PARD3B: variants seen among roughly 807,000 people sequenced by gnomAD.
The protein encoded by PARD3B is partitioning defective 3 homolog B.
PARD3B carries 103 observed loss-of-function variants against 130.2 expected under a neutral mutation model. The observed-to-expected ratio is 0.79, with a 90% CI of 0.67 to 0.93. PARD3B has a LOEUF of 0.93. Among genes scored for constraint, PARD3B ranks in the 40% least tolerant of loss-of-function variants. The pLI is 0.00. For missense variants in PARD3B, 1,609 were observed against 1,499.2 expected (o/e 1.07, Z -1.21); for synonymous variants, 583 against 553.2 (o/e 1.05, Z -0.76).
intron 22 of PARD3B, among the ~76,000 whole-genome samples, chr2:205,613,348 T>A (rs1174734879): frequency 4.6e-5 from 7 of 152,110 alleles, no homozygotes; most frequent in African/African-American, 4.8e-5. Flanking sequence ...TTAAGAAAAA[T>A]TTTTTGAGTG....
intron 22 of PARD3B, among the ~76,000 whole-genome samples, chr2:205,557,597 G>A (rs1488758791): frequency 6.6e-6 from 1 of 152,170 alleles, no homozygotes; most frequent in Admixed American, 6.5e-5. Context: ...TGATGGAATT[G>A]CTTCAGGCTC....
chr2:204,847,849 C>G (rs911079956), intron 2 of PARD3B, among the ~76,000 whole-genome samples: 2 of 152,276 alleles, frequency 1.3e-5, no homozygotes, highest in East Asian at 3.9e-4. Context: ...AGGAAAACAT[C>G]GTATGCTGAG....
At chr2:204,617,400 G>A (rs183801905) in intron 1 of PARD3B, among the ~76,000 whole-genome samples, 73 of 152,080 alleles carry the variant, frequency 4.8e-4, no homozygotes, top group African/African-American at 1.7e-3. Flanking sequence ...TCTTTTTTCT[G>A]TTGCTTTCCC....
At chr2:205,124,620 A>C (rs2031166222) in intron 9 of PARD3B, among the ~76,000 whole-genome samples, 154 bp downstream of exon 9, 1 of 152,170 alleles carries the variant, frequency 6.6e-6, no homozygotes, top group Admixed American at 6.5e-5. Context: ...TAAGAACTTT[A>C]ACTATAGAAC....
rs188486192 is a variant in PARD3B at position 204,780,411 on chromosome 2, G to A, written c.222+94129G>A. On this transcript the variant is annotated intron_variant, in intron 2 of 22. Coordinates refer to ENST00000406610, the MANE Select transcript of PARD3B (RefSeq NM_001302769.2). The stretch of plus-strand genomic sequence containing the variant: ...TGGGCAAATAATCGGTTATCATCTA[G>A]AAAGAAAGGAAAGCCTGCATGAAAC... Among the ~76,000 whole-genome samples the A allele has an allele frequency of 1.5e-3, 224 of 152,184 alleles. 1 individual carries two copies. The highest frequency in any genetic ancestry group is 5.0e-3 in the African/African-American group (207 of 41,544).
chr2:205,037,052 TATAC>T (rs1016344833), intron 3 of PARD3B, among the ~76,000 whole-genome samples: 4 of 147,740 alleles, frequency 2.7e-5, no homozygotes, highest in African/African-American at 9.9e-5. Flanking sequence ...ATAAAACAAA[TATAC>T]ATATGTAGCG....
At chr2:204,674,971 G>T (rs2036468967) in intron 1 of PARD3B, among the ~76,000 whole-genome samples, 1 of 152,072 alleles carries the variant, frequency 6.6e-6, no homozygotes, top group Non-Finnish European at 1.5e-5. Context: ...ATGTTTTTTA[G>T]GGCTTTATAA....
At position 205,547,719 on chromosome 2, in the gene PARD3B, T is replaced by C. The variant is rs942295066; in HGVS notation, c.3181-5605T>C. On this transcript the variant is annotated intron_variant, in intron 21 of 22. Transcript: ENST00000406610. ...TACATTTCACTCCCCAAACTAGCAA[T>C]GTTACAGCTGCTAAAGCTGCCACAG... 7.2e-5 allele frequency among the ~76,000 whole-genome samples: 11 copies of C among 152,308 alleles called. No individual in the cohort carries two copies. The East Asian group carries it at 2.1e-3, about 29-fold the overall frequency.
At chr2:205,197,074 T>TGTGTGGGA (rs1215097347) in intron 15 of PARD3B, among the ~76,000 whole-genome samples, 1 of 143,864 alleles carries the variant, frequency 7.0e-6, no homozygotes, top group Non-Finnish European at 1.5e-5. Context: ...TGTGTGTGTG[T>TGTGTGGGA]GAGAGAGAGA....
intron 20 of PARD3B, among the ~76,000 whole-genome samples, chr2:205,478,047 C>G (rs1364445823): frequency 6.6e-6 from 1 of 152,230 alleles, no homozygotes; most frequent in Non-Finnish European, 1.5e-5. Flanking sequence ...TCCACTTCAT[C>G]CAACCTTCTA....
intron 4 of PARD3B, among the ~76,000 whole-genome samples, chr2:205,063,807 G>A (rs902367118): frequency 2.0e-5 from 3 of 152,140 alleles, no homozygotes; most frequent in Middle Eastern, 3.2e-3. Flanking sequence ...ACATATAAGA[G>A]ATGTCAAGAA....
At chr2:204,592,311 C>A (rs11904034) in intron 1 of PARD3B, among the ~76,000 whole-genome samples, 9,739 of 152,158 alleles carry the variant, frequency 0.064, 922 homozygotes, top group African/African-American at 0.2. Flanking sequence ...ACCTAGTGGA[C>A]GAAAAAGAGC....
In PARD3B at chr2:205,142,752, C is replaced by G. The variant is rs1192515036; in HGVS notation, c.1435-15970C>G. ...AATTAGCCAGGCGTGGTGGTGCGTG[C>G]CTGTAATCCCAGCTACTCAGGAAGC... On this transcript the variant is annotated intron_variant, in intron 10 of 22. Transcript: ENST00000406610. This position sits in a 1 kb window ranked among gnomAD's most constrained non-coding sequence, Gnocchi z 4.3. Among the ~76,000 whole-genome samples the G allele has an allele frequency of 6.6e-6, 1 of 152,008 alleles. No individual in the cohort carries two copies. The highest frequency in any genetic ancestry group is 1.5e-5 in the Non-Finnish European group (1 of 68,010).
chr2:204,978,965 CAAAAAAA>C (rs34432147), intron 3 of PARD3B, among the ~76,000 whole-genome samples: 1 of 74,906 alleles, frequency 1.3e-5, no homozygotes, highest in African/African-American at 5.8e-5. Flanking sequence ...ACCCTGGCCT[CAAAAAAA>C]AAAAAAAAAA....
chr2:205,594,731 G>T (rs77805600), intron 22 of PARD3B, among the ~76,000 whole-genome samples: 2,773 of 152,310 alleles, frequency 0.018, 36 homozygotes, highest in Non-Finnish European at 0.03. Context: ...TAAACAGTGT[G>T]TTGGGGATGG....
chr2:205,610,682 C>T (rs941084107), intron 22 of PARD3B, among the ~76,000 whole-genome samples: 7 of 152,160 alleles, frequency 4.6e-5, no homozygotes, highest in Admixed American at 3.9e-4. Flanking sequence ...TCTTGGCAAA[C>T]AAGACAAATA....
intron 21 of PARD3B, among the ~76,000 whole-genome samples, chr2:205,510,156 C>T (rs1289284414): frequency 3.9e-5 from 6 of 152,126 alleles, no homozygotes; most frequent in African/African-American, 7.2e-5. Context: ...TTACCTGTCT[C>T]CTTTAAAAGT....
intron 2 of PARD3B, among the ~76,000 whole-genome samples, chr2:204,839,095 T>G (rs145403358): frequency 6.6e-6 from 1 of 152,152 alleles, no homozygotes; most frequent in Admixed American, 6.5e-5. Context: ...CATTTAGGAT[T>G]TGATTTTAAG....
intron 1 of PARD3B, among the ~76,000 whole-genome samples, chr2:204,676,424 T>C (rs1035254946): frequency 2.0e-5 from 3 of 152,014 alleles, no homozygotes; most frequent in African/African-American, 4.8e-5. Context: ...TCCTGCAGAA[T>C]TGCCGAATCT....
Sources: allele counts gnomAD v4.1 joint callset (sites outside exome capture counted in the v4.1 genomes callset), GRCh38; gene constraint gnomAD v4.1.1; non-coding constraint Gnocchi (gnomAD v3.1); transcripts MANE v1.5; gene names NCBI Gene and HGNC (gene_info 2026-07-23, HGNC 2026-07-21).